Variants in EML4 observed in about 807,000 individuals in gnomAD.
The protein encoded by EML4 is EMAP like 4, also known as echinoderm microtubule-associated protein-like 4.
EML4 carries 72 observed loss-of-function variants against 129.0 expected under a neutral mutation model. That is an observed-to-expected ratio of 0.56 (90% CI 0.46 to 0.68). The LOEUF is 0.68. Ranked by LOEUF, EML4 falls within the 30% of genes least tolerant of loss-of-function variation. The pLI is 0.00. For synonymous variants in EML4, 532 were observed against 405.0 expected (o/e 1.31, Z -3.77); for missense variants, 1,363 against 1,190.6 (o/e 1.14, Z -2.13).
intron 1 of EML4, among the ~76,000 whole-genome samples, chr2:42,178,795 A>C (rs1026915061): frequency 1.3e-5 from 2 of 152,208 alleles, no homozygotes; most frequent in Non-Finnish European, 2.9e-5. Context: ...AAACCATTGC[A>C]CTATAGCGCT....
intron 1 of EML4, among the ~76,000 whole-genome samples, chr2:42,212,440 G>A (rs976613952): frequency 6.6e-6 from 1 of 151,626 alleles, no homozygotes; most frequent in Non-Finnish European, 1.5e-5. Context: ...TTAAAGAAAA[G>A]GACAGGAAAT....
chr2:42,318,426 T>C (rs1181832352), intron 19 of EML4, among the ~76,000 whole-genome samples: 4 of 152,228 alleles, frequency 2.6e-5, no homozygotes, highest in Non-Finnish European at 5.9e-5. Flanking sequence ...AGCAGACTTA[T>C]TTGCCTTTTT....
intron 21 of EML4, among the ~76,000 whole-genome samples, chr2:42,327,242 A>T (rs1240631064): frequency 6.6e-6 from 1 of 152,234 alleles, no homozygotes; most frequent in African/African-American, 2.4e-5. Context: ...TAATTCATTC[A>T]TCAGCTGATG....
At chr2:42,186,824 A>T (rs1045006971) in intron 1 of EML4, among the ~76,000 whole-genome samples, 3 of 152,144 alleles carry the variant, frequency 2.0e-5, no homozygotes, top group African/African-American at 7.2e-5. Flanking sequence ...TCCTTTACAT[A>T]TAATAAAATG....
intron 1 of EML4, among the ~76,000 whole-genome samples, chr2:42,198,538 A>G (rs1167349595): frequency 1.3e-5 from 2 of 152,150 alleles, no homozygotes; most frequent in Non-Finnish European, 2.9e-5. Context: ...TGAGACTTCC[A>G]TCTCTACAAA....
chr2:42,237,790 T>C (rs1175857644), intron 1 of EML4, among the ~76,000 whole-genome samples: 3 of 152,248 alleles, frequency 2.0e-5, no homozygotes, highest in Admixed American at 2.0e-4. Flanking sequence ...TAAATCAAAA[T>C]GGATCGTCAT....
At chr2:42,254,218 G>A (rs183969599) in intron 2 of EML4, among the ~76,000 whole-genome samples, 9 of 152,300 alleles carry the variant, frequency 5.9e-5, no homozygotes, top group Admixed American at 5.9e-4. Context: ...ACTTTGGGAG[G>A]CAGAGGCAGG....
intron 13 of EML4, among the ~76,000 whole-genome samples, chr2:42,298,920 A>C (rs956450454): frequency 1.3e-5 from 2 of 152,222 alleles, no homozygotes; most frequent in African/African-American, 4.8e-5. Context: ...AAATAAGCCT[A>C]GAATTTGCTT....
At chr2:42,284,029 G>A (rs773322644) in intron 8 of EML4, among the ~76,000 whole-genome samples, 16 of 152,198 alleles carry the variant, frequency 1.1e-4, no homozygotes, top group Non-Finnish European at 1.6e-4. Context: ...TACGTGCTGT[G>A]AGTAATTTAG....
At chr2:42,250,891 C>A (rs1456566306) in intron 2 of EML4, among the ~76,000 whole-genome samples, 1 of 152,128 alleles carries the variant, frequency 6.6e-6, no homozygotes, top group Non-Finnish European at 1.5e-5. Flanking sequence ...TAGCTGGTCC[C>A]ATGTTGGGGT....
chr2:42,220,895 A>G (rs1348638608), intron 1 of EML4, among the ~76,000 whole-genome samples: 1 of 152,216 alleles, frequency 6.6e-6, no homozygotes, highest in Non-Finnish European at 1.5e-5. Context: ...CATTCCCTTA[A>G]GCCAAAGCCT....
At chr2:42,201,507 C>T (rs1159244147) in intron 1 of EML4, among the ~76,000 whole-genome samples, 1 of 152,124 alleles carries the variant, frequency 6.6e-6, no homozygotes, top group Non-Finnish European at 1.5e-5. Flanking sequence ...GAGTATATAT[C>T]CAAAGGAATT....
chr2:42,275,847 G>A (rs570507825), intron 6 of EML4, among the ~76,000 whole-genome samples: 1 of 152,106 alleles, frequency 6.6e-6, no homozygotes, highest in African/African-American at 2.4e-5. Flanking sequence ...CTATCATGAG[G>A]CAGGTAGTTT....
At position 42,286,387 on chromosome 2, in the gene EML4, A is replaced by G. The variant is rs1667309197; in HGVS notation, c.1122+8A>G. The G allele has an allele frequency of 1.9e-6, 3 of 1,559,580 alleles. No individual in the cohort carries two copies. Among genetic ancestry groups the G allele is most frequent in the Non-Finnish European group, 2.7e-6 (3 of 1,130,274 alleles). ...CTGGATTTTTCAAAAGCAGTAAGTA[A>G]CAATTTTTAGAGAAGTAAGCAAGCT... On this transcript the variant is annotated splice_region_variant and intron_variant, in intron 10 of 22. Transcript: ENST00000318522.
intron 1 of EML4, among the ~76,000 whole-genome samples, chr2:42,206,270 G>A (rs1672533375): frequency 1.3e-5 from 2 of 152,250 alleles, no homozygotes; most frequent in African/African-American, 4.8e-5. Flanking sequence ...ATGGAGTGCA[G>A]TGGCATAATT....
At chr2:42,307,486 G>T (rs1572730605) in intron 17 of EML4, among the ~76,000 whole-genome samples, 1 of 152,128 alleles carries the variant, frequency 6.6e-6, no homozygotes, top group Admixed American at 6.5e-5. Context: ...GTTAGGTTCT[G>T]TTGATCCTTG....
At chr2:42,235,210 C>G (rs535224812) in intron 1 of EML4, among the ~76,000 whole-genome samples, 61 of 151,866 alleles carry the variant, frequency 4.0e-4, no homozygotes, top group African/African-American at 1.3e-3. Flanking sequence ...GCAGGAGAAT[C>G]GCTTGAACCC....
intron 1 of EML4, among the ~76,000 whole-genome samples, chr2:42,186,730 T>C (rs908659117): frequency 6.6e-6 from 1 of 152,178 alleles, no homozygotes; most frequent in African/African-American, 2.4e-5. Flanking sequence ...CATTAGAGCA[T>C]TTCATATCTT....
Position 42,326,123 on chromosome 2 carries a change from A to AT in EML4, c.2243-30dup, listed in dbSNP as rs1558615667. On this transcript the variant is annotated intron_variant, in intron 20 of 22. Transcript: ENST00000318522. ...TCAAATACATTTGTACACAAGCACT[A>AT]TGATTATACTTCCTGTTTCTAAATT... is the stretch of plus-strand genomic sequence containing the variant. The AT allele has an allele frequency of 1.9e-6, 3 of 1,610,098 alleles. No individual in the cohort carries two copies. In the Admixed American group the frequency reaches 5.1e-5, roughly 27 times the overall value.
Sources: allele counts gnomAD v4.1 joint callset (sites outside exome capture counted in the v4.1 genomes callset), GRCh38; gene constraint gnomAD v4.1.1; transcripts MANE v1.5; gene names NCBI Gene and HGNC (gene_info 2026-07-23, HGNC 2026-07-21).